NTRK3: variants seen among roughly 807,000 people sequenced by gnomAD.
NTRK3 encodes the protein NT-3 growth factor receptor.
In NTRK3, 24 loss-of-function variants were observed where a neutral mutation model predicts 91.7. That is an observed-to-expected ratio of 0.26 (90% CI 0.19 to 0.37). The LOEUF (loss-of-function observed/expected upper bound fraction) is 0.37. NTRK3 is among the 10% of genes least tolerant of loss of function. NTRK3 has a pLI of 1.00. For synonymous variants in NTRK3, 483 were observed against 404.0 expected (o/e 1.20, Z -2.34); for missense variants, 880 against 1,068.9 (o/e 0.82, Z 2.46).
intron 3 of NTRK3, among the ~76,000 whole-genome samples, chr15:88,239,721 G>A (rs985563196): frequency 1.3e-5 from 2 of 151,990 alleles, no homozygotes; most frequent in Non-Finnish European, 2.9e-5. Context: ...GGAGTGGGCT[G>A]GTATTCTTCA....
intron 17 of NTRK3, among the ~76,000 whole-genome samples, chr15:87,895,546 C>T (rs1025431362): frequency 2.6e-5 from 4 of 152,150 alleles, no homozygotes; most frequent in Non-Finnish European, 4.4e-5. Context: ...ATTTCCTTGC[C>T]ATACCTTGAA....
intron 14 of NTRK3, among the ~76,000 whole-genome samples, chr15:87,948,960 G>A (rs2070834181): frequency 1.3e-5 from 2 of 152,208 alleles, no homozygotes; most frequent in South Asian, 4.1e-4. Context: ...TTTGAAGGGT[G>A]CTGGCAGTTG....
At chr15:88,209,374 G>A (rs1307633173) in intron 3 of NTRK3, among the ~76,000 whole-genome samples, 1 of 152,234 alleles carries the variant, frequency 6.6e-6, no homozygotes, top group African/African-American at 2.4e-5. Context: ...TTAATCCAAT[G>A]TGTGTTCTGT....
chr15:87,880,224 T>C (rs1200784812), intron 18 of NTRK3, 46 bp downstream of exon 19: 1 of 1,611,912 alleles, frequency 6.2e-7, no homozygotes, highest in Admixed American at 1.7e-5. Flanking sequence ...GAGATAGCTC[T>C]TATGAGCCCT....
At chr15:87,932,911 G>A in intron 16 of NTRK3, 101 bp downstream of exon 16, 1 of 1,162,504 alleles carries the variant, frequency 8.6e-7, no homozygotes, top group East Asian at 2.4e-5. Flanking sequence ...ATCCTGAGAG[G>A]AAAGTGTTTA....
chr15:88,240,043 GACACACACAGACACACACACACAC>G lies in NTRK3; in HGVS notation c.248+15839_248+15862del, dbSNP rs2052180148. On this transcript the variant is annotated intron_variant, in intron 3 of 18. Transcript: ENST00000394480. This position sits in a 1 kb window ranked among gnomAD's most constrained non-coding sequence, Gnocchi z 4.9. ...CAGAACACACATATACACACACAGC[GACACACACAGACACACACACACAC>G]ACACACAGGAACAAGGTTCCCACGC... 6.6e-6 allele frequency among the ~76,000 whole-genome samples: 1 copy of G among 151,166 alleles called. No individual in the cohort carries two copies. Among genetic ancestry groups the G allele is most frequent in the Non-Finnish European group, 1.5e-5 (1 of 67,852 alleles).
chr15:88,172,792 G>T (rs2045641504), intron 5 of NTRK3, among the ~76,000 whole-genome samples: 1 of 152,168 alleles, frequency 6.6e-6, no homozygotes, highest in African/African-American at 2.4e-5. Context: ...TGGGGGGCAT[G>T]AGTAATCTCA....
chr15:88,237,459 T>C lies in NTRK3; in HGVS notation c.248+18447A>G, dbSNP rs2051896365. 6.6e-6 allele frequency among the ~76,000 whole-genome samples: 1 copy of C among 152,220 alleles called. No homozygotes were observed. Among genetic ancestry groups the C allele is most frequent in the South Asian group, 2.1e-4 (1 of 4,830 alleles). The stretch of plus-strand genomic sequence containing the variant: ...TGTGGGGGTGGAGGGATGCCTAACA[T>C]GGTTACTGACACAAGTGTGGTGCTC... On this transcript the variant is annotated intron_variant, in intron 3 of 18. Coordinates refer to ENST00000394480, the Ensembl canonical transcript of NTRK3. This position sits in a 1 kb window ranked among gnomAD's most constrained non-coding sequence, Gnocchi z 4.0.
At chr15:87,931,584 C>T (rs1015799157) in intron 16 of NTRK3, among the ~76,000 whole-genome samples, 1 of 152,138 alleles carries the variant, frequency 6.6e-6, no homozygotes, top group African/African-American at 2.4e-5. Flanking sequence ...GTGACAAATC[C>T]AAGATATGAA....
intron 14 of NTRK3, among the ~76,000 whole-genome samples, chr15:87,973,884 A>C (rs917362414): frequency 1.3e-5 from 2 of 152,084 alleles, no homozygotes; most frequent in South Asian, 4.2e-4. Context: ...TTTCAGAGTC[A>C]TGCTGGCAGC....
chr15:87,895,141 C>T (rs1477653661), intron 17 of NTRK3, among the ~76,000 whole-genome samples: 1 of 152,184 alleles, frequency 6.6e-6, no homozygotes, highest in African/African-American at 2.4e-5. Context: ...GGAAGTTACC[C>T]AGCCTACTTG....
intron 17 of NTRK3, among the ~76,000 whole-genome samples, chr15:87,903,867 G>T (rs1042581464): frequency 3.9e-5 from 6 of 152,206 alleles, no homozygotes; most frequent in Non-Finnish European, 8.8e-5. Flanking sequence ...CTTTGGGAAA[G>T]TCCTAGTGGG....
intron 14 of NTRK3, among the ~76,000 whole-genome samples, chr15:87,993,546 T>C (rs139110148): frequency 2.1e-4 from 32 of 152,250 alleles, no homozygotes; most frequent in African/African-American, 6.7e-4. Context: ...TTTAATTTGA[T>C]GGAAGCATAC....
intron 17 of NTRK3, among the ~76,000 whole-genome samples, chr15:87,906,955 T>C (rs1361575293): frequency 6.6e-6 from 1 of 152,198 alleles, no homozygotes; most frequent in Non-Finnish European, 1.5e-5. Context: ...GCACCAACAA[T>C]AACTCAGGAT....
intron 3 of NTRK3, among the ~76,000 whole-genome samples, chr15:88,199,311 C>G (rs2048091058): frequency 6.6e-6 from 1 of 152,202 alleles, no homozygotes; most frequent in Non-Finnish European, 1.5e-5. Context: ...GGACACTCAT[C>G]ATGTCGTCCG....
At chr15:88,193,385 G>T (rs2151691952) in intron 3 of NTRK3, among the ~76,000 whole-genome samples, 1 of 152,226 alleles carries the variant, frequency 6.6e-6, no homozygotes, top group South Asian at 2.1e-4. Flanking sequence ...CATATCCAGA[G>T]CTCCCTCCCA....
exon 14 of NTRK3, chr15:88,032,938 C>T (rs2078686039): frequency 6.2e-7 from 1 of 1,613,428 alleles, no homozygotes. Context: ...ATGCCAATGA[C>T]CACAGTGTCG....
chr15:88,165,589 G>A (rs2044856152), intron 5 of NTRK3, among the ~76,000 whole-genome samples: 1 of 152,216 alleles, frequency 6.6e-6, no homozygotes, highest in African/African-American at 2.4e-5. Context: ...AAAATAATAA[G>A]TAACGTTTAC....
intron 17 of NTRK3, among the ~76,000 whole-genome samples, chr15:87,903,910 C>T (rs1235471380): frequency 1.3e-5 from 2 of 152,174 alleles, no homozygotes; most frequent in Non-Finnish European, 2.9e-5. Flanking sequence ...TAGACATCTT[C>T]ACTGCAACCA....
Sources: gnomAD v4.1 joint callset for allele counts (sites outside exome capture counted in the v4.1 genomes callset) on GRCh38, gnomAD v4.1.1 for gene constraint, Gnocchi (gnomAD v3.1) non-coding constraint, MANE v1.5 for transcripts, NCBI Gene and HGNC (gene_info 2026-07-23, HGNC 2026-07-21) for gene names.